UACA: variants seen among roughly 807,000 people sequenced by gnomAD.
UACA encodes the protein uveal autoantigen with coiled-coil domains and ankyrin repeats, also known as nuclear membrane binding protein.
In UACA, 112 loss-of-function variants were observed where a neutral mutation model predicts 160.5. The observed-to-expected ratio is 0.70, with a 90% CI of 0.60 to 0.82. The LOEUF is 0.82. UACA is among the 40% of genes least tolerant of loss of function. UACA has a pLI of 0.00. For synonymous variants in UACA, 557 were observed against 568.4 expected, an observed-to-expected ratio of 0.98 and a Z score of 0.29; for missense variants, 1,574 against 1,614.6, an observed-to-expected ratio of 0.97 and a Z score of 0.43.
chr15:70,722,427 C>G (rs1899021549), intron 1 of UACA, among the ~76,000 whole-genome samples: 1 of 151,856 alleles, frequency 6.6e-6, no homozygotes, highest in African/African-American at 2.4e-5. Context: ...AAATGAGCCT[C>G]TCACCTCAGC....
chr15:70,758,364 A>C (rs2030552039), intron 1 of UACA: 2 of 152,224 alleles, frequency 1.3e-5, no homozygotes, highest in African/African-American at 4.8e-5. Context: ...ATACAGCTTT[A>C]ATTAAGGTAA....
intron 1 of UACA, among the ~76,000 whole-genome samples, chr15:70,715,813 T>C (rs889954606): frequency 4.6e-5 from 7 of 152,170 alleles, no homozygotes; most frequent in Non-Finnish European, 8.8e-5. Context: ...AAACACAGCA[T>C]TATAAATAAG....
chr15:70,743,335 C>T (rs1017598561), intron 1 of UACA, among the ~76,000 whole-genome samples: 5 of 152,200 alleles, frequency 3.3e-5, no homozygotes, highest in African/African-American at 9.7e-5. Flanking sequence ...ATTACATCTG[C>T]AAAATGTCAT....
chr15:70,756,652 C>T (rs373865696), intron 1 of UACA, among the ~76,000 whole-genome samples: 1 of 152,256 alleles, frequency 6.6e-6, no homozygotes, highest in African/African-American at 2.4e-5. Flanking sequence ...GCAGGTGGAT[C>T]ACCTGAGGTC....
At chr15:70,753,426 C>T (rs1448945855) in intron 1 of UACA, among the ~76,000 whole-genome samples, 6 of 152,176 alleles carry the variant, frequency 3.9e-5, no homozygotes, top group Non-Finnish European at 7.3e-5. Flanking sequence ...CCTCTCTCCC[C>T]TTCTCCAATT....
the UACA span, among the ~76,000 whole-genome samples, chr15:70,772,855 A>G: frequency 6.6e-6 from 1 of 152,028 alleles, no homozygotes; most frequent in Non-Finnish European, 1.5e-5. Flanking sequence ...TTGGGAGGCC[A>G]AGGTGGGTGG....
At chr15:70,762,495 A>G (rs935587319) in intron 1 of UACA, among the ~76,000 whole-genome samples, 1 of 152,190 alleles carries the variant, frequency 6.6e-6, no homozygotes, top group Non-Finnish European at 1.5e-5. Context: ...AAATTATCTA[A>G]ATCACAACAT....
chr15:70,678,050 T>C (rs767774163), intron 11 of UACA, 49 bp downstream of exon 11: 1 of 1,334,736 alleles, frequency 7.5e-7, no homozygotes. Flanking sequence ...AACAATTTGC[T>C]ATTGATATAG....
At chr15:70,672,818 GGTGCGGTGGCTCATGCCTGTAATCCCAGC>G (rs1897182683) in intron 13 of UACA, among the ~76,000 whole-genome samples, 1 of 152,128 alleles carries the variant, frequency 6.6e-6, no homozygotes, top group South Asian at 2.1e-4. Context: ...GAACGAGCTG[GGTGCGGTGGCTCATGCCTGTAATCCCAGC>G]ACTTCGGGAG....
chr15:70,703,972 A>C (rs1898453458), intron 1 of UACA, among the ~76,000 whole-genome samples: 1 of 151,706 alleles, frequency 6.6e-6, no homozygotes, highest in Admixed American at 6.6e-5. Flanking sequence ...ACTCTACCCC[A>C]CCACTCTTTA....
chr15:70,687,841 T>C, intron 5 of UACA, 21 bp from the exon 6 acceptor site: 1 of 1,609,342 alleles, frequency 6.2e-7, no homozygotes, highest in South Asian at 1.1e-5. Flanking sequence ...CAAAAGAAAA[T>C]GATAAATGGT....
Position 70,712,051 on chromosome 15 carries a change from C to CATATATATATATATAT in UACA, c.79-12407_79-12392dup, listed in dbSNP as rs57543862. ...AACCCAGGCTCCTCTAAGCTCCAGG[C>CATATATATATATATAT]ATATATATATATATATCTCCATATA... On this transcript the variant is annotated intron_variant, in intron 1 of 18. Transcript: ENST00000322954. 1.5e-3 allele frequency among the ~76,000 whole-genome samples: 201 copies of CATATATATATATATAT among 131,964 alleles called. 8 individuals are homozygous for CATATATATATATATAT. The highest frequency in any genetic ancestry group is 4.8e-3 in the African/African-American group (158 of 32,598). 86.6% of individuals were successfully genotyped at this position (131,964 alleles called of 152,430 possible).
At chr15:70,694,250 T>G (rs937138252) in intron 3 of UACA, among the ~76,000 whole-genome samples, 17 of 152,160 alleles carry the variant, frequency 1.1e-4, no homozygotes, top group African/African-American at 4.1e-4. Flanking sequence ...ACAAAAGAGA[T>G]AGTTATATTC....
At chr15:70,752,458 G>C (rs1302189671) in intron 1 of UACA, among the ~76,000 whole-genome samples, 1 of 152,022 alleles carries the variant, frequency 6.6e-6, no homozygotes, top group African/African-American at 2.4e-5. Context: ...TGGAAGAAAA[G>C]TTAAACACTC....
In UACA at chr15:70,678,085, G is replaced by T. The variant is rs530394239; in HGVS notation, c.999+14C>A. 2.6e-6 allele frequency: 4 copies of T among 1,522,780 alleles called. No homozygotes were observed. The highest frequency in any genetic ancestry group is 2.4e-5 in the South Asian group (2 of 83,228). 94.3% of individuals were successfully genotyped at this position (1,522,780 alleles called of 1,614,324 possible). A position where few individuals can be genotyped will look rare whatever the true frequency, so the allele number is the denominator to read the frequency against. On this transcript the variant is annotated intron_variant, in intron 11 of 18. Transcript: ENST00000322954. ...GTAAGACAGTTTATTTTTCTATTAT[G>T]CAGATTTATTTACCTCATTCAGCTG...
At chr15:70,757,199 T>C (rs926601554) in intron 1 of UACA, among the ~76,000 whole-genome samples, 1 of 152,218 alleles carries the variant, frequency 6.6e-6, no homozygotes, top group Non-Finnish European at 1.5e-5. Context: ...ATTTTGCTGA[T>C]TGCATCCCTA....
At chr15:70,724,208 T>C (rs957647246) in intron 1 of UACA, among the ~76,000 whole-genome samples, 1 of 152,192 alleles carries the variant, frequency 6.6e-6, no homozygotes, top group African/African-American at 2.4e-5. Context: ...AATTAACAAA[T>C]ACTGCAATTA....
At chr15:70,669,783 G>A (rs1897074481) in intron 15 of UACA, among the ~76,000 whole-genome samples, 1 of 152,066 alleles carries the variant, frequency 6.6e-6, no homozygotes, top group Non-Finnish European at 1.5e-5. Context: ...ACCCACACAT[G>A]AATATCATCA....
chr15:70,677,056 A>G (rs948238085), intron 12 of UACA, 52 bp downstream of exon 12: 11 of 1,429,516 alleles, frequency 7.7e-6, no homozygotes, highest in East Asian at 2.3e-5. Context: ...CTACTATATC[A>G]TCTTCAATTC....
Sources: gnomAD v4.1 joint callset for allele counts (sites outside exome capture counted in the v4.1 genomes callset) on GRCh38, gnomAD v4.1.1 for gene constraint, MANE v1.5 for transcripts, NCBI Gene and HGNC (gene_info 2026-07-23, HGNC 2026-07-21) for gene names.